KIAA1328: variants seen among roughly 807,000 people sequenced by gnomAD.
KIAA1328 encodes protein hinderin.
In KIAA1328, 52 loss-of-function variants were observed where a neutral mutation model predicts 68.1. The ratio of observed to expected loss-of-function variants is 0.76; its 90% CI spans 0.61 to 0.96. KIAA1328 has a LOEUF of 0.96. Among genes scored for constraint, KIAA1328 ranks in the 40% least tolerant of loss-of-function variants. The pLI is 0.00. For missense variants in KIAA1328, 641 were observed against 677.6 expected (o/e 0.95, Z 0.60); for synonymous variants, 232 against 239.4 (o/e 0.97, Z 0.28).
At chr18:36,921,244 G>C (rs1036212992) in intron 5 of KIAA1328, 1 of 150,816 alleles carries the variant, frequency 6.6e-6, no homozygotes, top group African/African-American at 2.4e-5. Flanking sequence ...ATTACCAGAG[G>C]GTTATTTTTT....
chr18:36,892,402 G>A lies in KIAA1328; in HGVS notation c.448+6730G>A, dbSNP rs528573699. ...AAGAGAAGGGATATGGAAGAAGAAA[G>A]GGTATTTTGGTGTTTGGCAGTGTGG... On this transcript the variant is annotated intron_variant, in intron 5 of 9. Transcript: ENST00000280020. Among the ~76,000 whole-genome samples, 358 of 152,216 alleles carry A rather than the reference G, an allele frequency of 2.4e-3. 1 individual carries two copies. The highest frequency in any genetic ancestry group is 3.5e-3 in the Non-Finnish European group (236 of 67,996).
chr18:37,095,470 T>G (rs1033585390), intron 7 of KIAA1328, among the ~76,000 whole-genome samples: 2 of 152,034 alleles, frequency 1.3e-5, no homozygotes, highest in Non-Finnish European at 2.9e-5. Flanking sequence ...AACAACATGC[T>G]CCCAAATGGC....
At chr18:36,836,870 A>G (rs1438185617) in intron 3 of KIAA1328, among the ~76,000 whole-genome samples, 1 of 152,138 alleles carries the variant, frequency 6.6e-6, no homozygotes, top group Non-Finnish European at 1.5e-5. Flanking sequence ...TGTTGCATAT[A>G]AAAGGAAATC....
chr18:37,082,686 T>C (rs1307242064), intron 7 of KIAA1328, among the ~76,000 whole-genome samples: 1 of 152,228 alleles, frequency 6.6e-6, no homozygotes, highest in Non-Finnish European at 1.5e-5. Flanking sequence ...ACTTAAATTG[T>C]AATTAATGAT....
At chr18:37,127,923 A>G (rs1304297446) in intron 7 of KIAA1328, among the ~76,000 whole-genome samples, 4 of 152,168 alleles carry the variant, frequency 2.6e-5, no homozygotes, top group Non-Finnish European at 5.9e-5. Context: ...TATATGTTCA[A>G]TTGATATTTT....
intron 6 of KIAA1328, among the ~76,000 whole-genome samples, chr18:37,055,438 A>G (rs1471923681): frequency 6.6e-6 from 1 of 152,212 alleles, no homozygotes; most frequent in East Asian, 1.9e-4. Context: ...TATTTAGTTC[A>G]TATGCTTAGA....
At chr18:36,952,446 C>A (rs2051199610) in intron 5 of KIAA1328, among the ~76,000 whole-genome samples, 1 of 152,028 alleles carries the variant, frequency 6.6e-6, no homozygotes, top group South Asian at 2.1e-4. Flanking sequence ...ATACTTTGTG[C>A]CCTGCACTAT....
intron 5 of KIAA1328, among the ~76,000 whole-genome samples, chr18:36,933,368 T>C (rs974556247): frequency 2.1e-4 from 32 of 152,008 alleles, no homozygotes; most frequent in Non-Finnish European, 4.1e-4. Context: ...CTCCAATCAG[T>C]GGTGCTATGC....
intron 9 of KIAA1328, among the ~76,000 whole-genome samples, chr18:37,216,552 A>G (rs935168552): frequency 6.6e-6 from 1 of 152,136 alleles, no homozygotes; most frequent in African/African-American, 2.4e-5. Context: ...ACTTCTAACT[A>G]TGTGGTCAGT....
chr18:37,152,337 G>A (rs2059054238), intron 7 of KIAA1328, among the ~76,000 whole-genome samples: 1 of 152,112 alleles, frequency 6.6e-6, no homozygotes, highest in Admixed American at 6.6e-5. Context: ...CTAAATGACA[G>A]ATAAAGGCTA....
chr18:37,027,574 G>A (rs1403004772), intron 6 of KIAA1328, among the ~76,000 whole-genome samples: 3 of 152,048 alleles, frequency 2.0e-5, no homozygotes, highest in Non-Finnish European at 2.9e-5. Flanking sequence ...CATATCTACA[G>A]CCATCTGATC....
At chr18:37,077,029 C>A (rs1346742664) in intron 7 of KIAA1328, among the ~76,000 whole-genome samples, 14 of 151,784 alleles carry the variant, frequency 9.2e-5, no homozygotes, top group Non-Finnish European at 1.5e-4. Context: ...GAGACACAAC[C>A]AAAAAAGAGA....
At chr18:36,955,442 T>C (rs1341474581) in intron 5 of KIAA1328, among the ~76,000 whole-genome samples, 1 of 151,878 alleles carries the variant, frequency 6.6e-6, no homozygotes, top group African/African-American at 2.4e-5. Context: ...CCCGAGTAGC[T>C]GGGATGACAG....
intron 5 of KIAA1328, among the ~76,000 whole-genome samples, chr18:36,948,648 C>T (rs939844154): frequency 2.0e-5 from 3 of 151,156 alleles, no homozygotes; most frequent in Admixed American, 2.0e-4. Flanking sequence ...CTCCTGGGTT[C>T]AAGCGATTCT....
intron 4 of KIAA1328, among the ~76,000 whole-genome samples, chr18:36,868,914 T>C (rs928291980): frequency 6.6e-6 from 1 of 152,154 alleles, no homozygotes; most frequent in Non-Finnish European, 1.5e-5. Flanking sequence ...AAATCATTAT[T>C]ATTTTATATT....
chr18:37,166,465 A>T (rs540004742), intron 8 of KIAA1328, among the ~76,000 whole-genome samples: 2 of 152,210 alleles, frequency 1.3e-5, no homozygotes, highest in Admixed American at 1.3e-4. Context: ...ATCAGCTATC[A>T]TTAATGTATT....
rs1441172969 is a variant in KIAA1328 at position 37,209,786 on chromosome 18, T to A, written c.1524-12231T>A. ...AAAAAAAGAGTTCTGTTTTGGATAG[T>A]TTGAGATGCCCATTACACTTCCAAG... is the stretch of plus-strand genomic sequence containing the variant. On this transcript the variant is annotated intron_variant, in intron 9 of 9. Transcript: ENST00000280020. 8.6e-5 allele frequency among the ~76,000 whole-genome samples: 13 copies of A among 151,904 alleles called. No homozygotes were observed. The East Asian group carries it at 9.7e-4, about 11-fold the overall frequency.
chr18:37,213,149 A>G (rs1259052290), intron 9 of KIAA1328, among the ~76,000 whole-genome samples: 1 of 152,162 alleles, frequency 6.6e-6, no homozygotes, highest in African/African-American at 2.4e-5. Context: ...AATTTTTTGT[A>G]ATTTTTTTTA....
At chr18:36,985,223 C>A (rs904945980) in intron 6 of KIAA1328, among the ~76,000 whole-genome samples, 2 of 152,018 alleles carry the variant, frequency 1.3e-5, no homozygotes, top group Admixed American at 1.3e-4. Flanking sequence ...TTGCTTGAGC[C>A]CAGGAGCTCA....
Sources: gnomAD v4.1 joint callset for allele counts (sites outside exome capture counted in the v4.1 genomes callset) on GRCh38, gnomAD v4.1.1 for gene constraint, MANE v1.5 for transcripts, NCBI Gene and HGNC (gene_info 2026-07-23, HGNC 2026-07-21) for gene names.